ZNF83: variants seen among roughly 807,000 people sequenced by gnomAD.
ZNF83 encodes the protein zinc finger protein 83.
For missense variants in ZNF83, 552 were observed against 629.9 expected, an observed-to-expected ratio of 0.88 and a Z score of 1.32; for synonymous variants, 209 against 213.0, an observed-to-expected ratio of 0.98 and a Z score of 0.17.
chr19:52,674,409 C>T (rs1050820168), intron 1 of ZNF83, among the ~76,000 whole-genome samples: 3 of 152,162 alleles, frequency 2.0e-5, no homozygotes, highest in Non-Finnish European at 2.9e-5. Context: ...TCAATCAATA[C>T]TGACTGTCCT....
In ZNF83 at chr19:52,621,547, GGTGGCAAGTACCATTTCCTCTTT is replaced by G. The variant is rs1454951499; in HGVS notation, c.-233-6773_-233-6751del. On this transcript the variant is annotated intron_variant, in intron 2 of 2. Transcript: ENST00000301096. The stretch of plus-strand genomic sequence containing the variant: ...GACACCTGCCTTGATCCTCCACCTT[GGTGGCAAGTACCATTTCCTCTTT>G]GTGGCAAGTACCACCCCACTCTCTC... 3.8e-3 allele frequency among the ~76,000 whole-genome samples: 571 copies of G among 150,616 alleles called. 5 individuals are homozygous for G. Among genetic ancestry groups the G allele is most frequent in the African/African-American group, 0.013 (527 of 40,036 alleles).
At chr19:52,619,210 C>T in intron 2 of ZNF83, 1 of 1,583,038 alleles carries the variant, frequency 6.3e-7, no homozygotes, top group Non-Finnish European at 8.6e-7. Context: ...TGATGTCTTC[C>T]CAGTGGTGTT....
At chr19:52,635,405 C>T (rs1294839874) in intron 1 of ZNF83, 9 of 245,930 alleles carry the variant, frequency 3.7e-5, no homozygotes, top group East Asian at 1.5e-4. Flanking sequence ...CTCTTCAGGG[C>T]GCAGACCCAG....
intron 3 of ZNF83, among the ~76,000 whole-genome samples, chr19:52,643,594 G>A (rs1312246127): frequency 1.3e-5 from 2 of 151,980 alleles, no homozygotes; most frequent in Non-Finnish European, 2.9e-5. Context: ...CCAGCTACTC[G>A]GGAGGCTGAG....
chr19:52,625,312 T>C (rs2060698942), intron 2 of ZNF83, among the ~76,000 whole-genome samples: 1 of 152,176 alleles, frequency 6.6e-6, no homozygotes, highest in Non-Finnish European at 1.5e-5. Flanking sequence ...TGCTGTTATA[T>C]GGGCTGAAAG....
rs1202557293 is a variant in ZNF83 at position 52,687,366 on chromosome 19, A to G, written c.-283+3077T>C. On this transcript the variant is annotated intron_variant, in intron 1 of 5. Transcript: ENST00000594682. ...TAATTTATATAGCTATATAAATTAT[A>G]ATATAAATTATAATTTATATATATA... 3.5e-5 allele frequency among the ~76,000 whole-genome samples: 2 copies of G among 56,560 alleles called. 1 individual carries two copies. Among genetic ancestry groups the G allele is most frequent in the Non-Finnish European group, 5.7e-5 (2 of 34,824 alleles). The allele number at this position is 56,560 out of a possible 152,430, so 37.1% of individuals were successfully genotyped here.
At chr19:52,615,593 G>A (rs149184955) in intron 2 of ZNF83, among the ~76,000 whole-genome samples, 110 of 151,982 alleles carry the variant, frequency 7.2e-4, no homozygotes, top group African/African-American at 2.6e-3. Flanking sequence ...ACAAAAATTA[G>A]CAAAACTCCA....
intron 1 of ZNF83, among the ~76,000 whole-genome samples, chr19:52,678,025 A>ACT (rs34753087): frequency 0.22 from 32,725 of 151,616 alleles, 3,741 homozygotes; most frequent in Non-Finnish European, 0.24. Context: ...ACAGAGTGAG[A>ACT]CTGTCTCAAA....
At chr19:52,632,034 A>G (rs1473403773) in intron 2 of ZNF83, among the ~76,000 whole-genome samples, 1 of 152,178 alleles carries the variant, frequency 6.6e-6, no homozygotes, top group Non-Finnish European at 1.5e-5. Flanking sequence ...GAACTAAAAT[A>G]TCTCTTAGTC....
intron 2 of ZNF83, chr19:52,618,793 A>G (rs749363943): frequency 9.8e-6 from 13 of 1,332,854 alleles, no homozygotes; most frequent in Middle Eastern, 2.2e-4. Flanking sequence ...GAAAGTCCAG[A>G]TGCTACATCA....
intron 1 of ZNF83, among the ~76,000 whole-genome samples, chr19:52,672,991 A>G (rs1248672655): frequency 2.6e-5 from 4 of 151,244 alleles, no homozygotes; most frequent in African/African-American, 9.9e-5. Context: ...CAATGATTAA[A>G]TTGTACATAT....
intron 1 of ZNF83, among the ~76,000 whole-genome samples, chr19:52,685,530 C>T (rs1361624332): frequency 6.6e-6 from 1 of 151,990 alleles, no homozygotes; most frequent in Non-Finnish European, 1.5e-5. Context: ...TGTGAACACA[C>T]AGTAATTGAC....
At chr19:52,635,357 C>T (rs2061111808) in intron 1 of ZNF83, 2 of 308,994 alleles carry the variant, frequency 6.5e-6, no homozygotes, top group Non-Finnish European at 1.2e-5. Flanking sequence ...GGAGTCCACA[C>T]ACGCTGCAGC....
At chr19:52,676,580 G>A (rs2061812502) in intron 1 of ZNF83, among the ~76,000 whole-genome samples, 1 of 151,796 alleles carries the variant, frequency 6.6e-6, no homozygotes, top group African/African-American at 2.4e-5. Context: ...CCCCTACTGG[G>A]AAGTGAGGAG....
At chr19:52,615,494 C>G (rs1227752253) in intron 2 of ZNF83, among the ~76,000 whole-genome samples, 1 of 152,096 alleles carries the variant, frequency 6.6e-6, no homozygotes, top group Non-Finnish European at 1.5e-5. Flanking sequence ...ATCTCAGCAA[C>G]TGGGGAGGCC....
chr19:52,646,274 A>G (rs189082), intron 3 of ZNF83, among the ~76,000 whole-genome samples: 77,815 of 151,962 alleles, frequency 0.51, 20,630 homozygotes, highest in East Asian at 0.71. Context: ...GCCAGGTGTG[A>G]TGGCTAATCC....
At chr19:52,618,797 TACA>T in intron 2 of ZNF83, 1 of 1,352,600 alleles carries the variant, frequency 7.4e-7, no homozygotes, top group Non-Finnish European at 1.0e-6. Flanking sequence ...GTCCAGATGC[TACA>T]TCATGAAGCT....
chr19:52,677,964 G>A (rs2061844366), intron 1 of ZNF83, among the ~76,000 whole-genome samples: 1 of 151,836 alleles, frequency 6.6e-6, no homozygotes, highest in Non-Finnish European at 1.5e-5. Flanking sequence ...GAACCTGGGA[G>A]TCGGAGGTTG....
chr19:52,643,345 ACT>A (rs986836304), upstream of ZNF83, among the ~76,000 whole-genome samples: 8 of 131,596 alleles, frequency 6.1e-5, no homozygotes, highest in African/African-American at 2.1e-4. Flanking sequence ...ACAGAGTCAG[ACT>A]CTGTCTCAAA....
Sources: gnomAD v4.1 joint callset for allele counts (sites outside exome capture counted in the v4.1 genomes callset) on GRCh38, gnomAD v4.1.1 for gene constraint, MANE v1.5 for transcripts, NCBI Gene and HGNC (gene_info 2026-07-23, HGNC 2026-07-21) for gene names.